The following GCFC2 variants were observed in gnomAD, a reference collection of about 807,000 sequenced individuals.
The protein encoded by GCFC2 is GC-rich sequence DNA-binding factor 2.
Under a neutral mutation model 99.4 loss-of-function variants are expected in GCFC2, and 102 were observed. The observed-to-expected ratio is 1.03, with a 90% CI of 0.87 to 1.21. The LOEUF is 1.21. GCFC2 is among the 50% of genes most tolerant of loss of function. The pLI is 0.00. For missense variants in GCFC2, 973 were observed against 920.9 expected (o/e 1.06, Z -0.73); for synonymous variants, 338 against 316.8 (o/e 1.07, Z -0.71).
At chr2:75,712,643 T>C (rs576004099), upstream of GCFC2, among the ~76,000 whole-genome samples, 25 of 152,284 alleles carry the variant, frequency 1.6e-4, no homozygotes, top group South Asian at 5.2e-3. Context: ...TACTGCTGAC[T>C]CTTTGGGTCC....
upstream of GCFC2, among the ~76,000 whole-genome samples, chr2:75,712,552 C>G (rs1405816002): frequency 6.6e-6 from 1 of 152,146 alleles, no homozygotes; most frequent in Non-Finnish European, 1.5e-5. Context: ...GCAGGCTGCC[C>G]CAGCCAGCAG....
chr2:75,665,679 TTA>T (rs1019085546), intron 16 of GCFC2, among the ~76,000 whole-genome samples: 6 of 152,222 alleles, frequency 3.9e-5, no homozygotes, highest in Non-Finnish European at 7.3e-5. Context: ...TGTTTTTGAT[TTA>T]TAGTTTTAAT....
In GCFC2 at chr2:75,693,365, A is replaced by G. The variant is rs142711633; in HGVS notation, c.1020+876T>C. ...TGAGGCACGAGAATCGCTTGAACCTAGGAGGCAGAGGTTGCATTGAGCTGA... is the reference window on the plus strand; with the variant it reads ...TGAGGCACGAGAATCGCTTGAACCTGGGAGGCAGAGGTTGCATTGAGCTGA... On this transcript the variant is annotated intron_variant, in intron 6 of 16. Transcript: ENST00000321027. Among the ~76,000 whole-genome samples the G allele has an allele frequency of 2.1e-3, 324 of 152,236 alleles. 2 individuals are homozygous for G. Among genetic ancestry groups the G allele is most frequent in the African/African-American group, 7.5e-3 (311 of 41,546 alleles).
chr2:75,707,611 T>G (rs1248384838), intron 1 of GCFC2, among the ~76,000 whole-genome samples: 3 of 152,334 alleles, frequency 2.0e-5, no homozygotes, highest in African/African-American at 7.2e-5. Context: ...TTGTCATTTA[T>G]GACAACCCAT....
At chr2:75,700,567 C>T (rs953313953) in intron 4 of GCFC2, among the ~76,000 whole-genome samples, 1 of 151,990 alleles carries the variant, frequency 6.6e-6, no homozygotes, top group African/African-American at 2.4e-5. Context: ...TTATACAGAA[C>T]AGGCGTTTAA....
intron 12 of GCFC2, among the ~76,000 whole-genome samples, chr2:75,674,785 C>T (rs1170694084): frequency 1.3e-5 from 2 of 152,152 alleles, no homozygotes; most frequent in Non-Finnish European, 2.9e-5. Flanking sequence ...TCTTAAAAAG[C>T]ATGACCTGAA....
At chr2:75,696,872 G>A (rs1394309303) in intron 4 of GCFC2, among the ~76,000 whole-genome samples, 4 of 151,858 alleles carry the variant, frequency 2.6e-5, no homozygotes, top group African/African-American at 9.7e-5. Flanking sequence ...TGCAAGCTCC[G>A]CCTCCTGGGT....
chr2:75,690,962 G>A (rs1573070831), intron 7 of GCFC2: 1 of 343,918 alleles, frequency 2.9e-6, no homozygotes, highest in Non-Finnish European at 5.3e-6. Flanking sequence ...TGCTGTTGTT[G>A]AGAACAGCAA....
Position 75,664,148 on chromosome 2 carries a change from T to C in GCFC2, c.*518A>G, listed in dbSNP as rs1678726505. 1.3e-5 allele frequency: 2 copies of C among 152,274 alleles called. No homozygotes were observed. Among genetic ancestry groups the C allele is most frequent in the South Asian group, 4.1e-4 (2 of 4,836 alleles). The allele number at this position is 152,274 out of a possible 1,614,324, so 9.4% of individuals were successfully genotyped here. A position where few individuals can be genotyped will look rare whatever the true frequency, so the allele number is the denominator to read the frequency against. On this transcript the variant is annotated 3_prime_UTR_variant, in exon 17 of 17. Coordinates refer to ENST00000321027, the MANE Select transcript of GCFC2 (RefSeq NM_003203.5). ...GTAGGGATTCATTGGCACTCACTTA[T>C]GCTTATGTTGGTACATTAAATTGGT...
intron 2 of GCFC2, among the ~76,000 whole-genome samples, chr2:75,704,369 C>T (rs1414261817): frequency 6.6e-6 from 1 of 152,168 alleles, no homozygotes; most frequent in Non-Finnish European, 1.5e-5. Context: ...TTAACACATT[C>T]CTCCATCTTT....
At chr2:75,703,236 C>T (rs1455123204) in intron 2 of GCFC2, among the ~76,000 whole-genome samples, 2 of 151,992 alleles carry the variant, frequency 1.3e-5, no homozygotes, top group African/African-American at 4.8e-5. Context: ...AAAGAAACAG[C>T]GAGAGAAATT....
intron 1 of GCFC2, among the ~76,000 whole-genome samples, chr2:75,710,265 T>C (rs771530901): frequency 2.7e-4 from 41 of 152,232 alleles, no homozygotes; most frequent in Non-Finnish European, 5.6e-4. Flanking sequence ...TGAACTTTGT[T>C]GTGACAGTTT....
chr2:75,701,286 T>G lies in GCFC2; in HGVS notation c.621A>C (p.Ile207=). Residue 207 remains isoleucine, a splice_region_variant and synonymous_variant, in exon 4 of 17, where the codon ATA becomes ATC. Transcript: ENST00000321027. ...CTTCACTTGTTTCTTCATTTCTGCT[T>G]ACTAGCGGAAAAAAAGCTCACATGT... is the stretch of plus-strand genomic sequence containing the variant. ...TLRQRMAEES[I]SRNEETSEES... is the part of the protein sequence containing the mutation. The G allele has an allele frequency of 6.3e-7, 1 of 1,579,700 alleles. No homozygotes were observed. Among genetic ancestry groups the G allele is most frequent in the Non-Finnish European group, 8.7e-7 (1 of 1,149,442 alleles).
At chr2:75,687,672 C>A (rs913097976) in intron 11 of GCFC2, among the ~76,000 whole-genome samples, 155 bp downstream of exon 11, 4 of 152,206 alleles carry the variant, frequency 2.6e-5, no homozygotes, top group African/African-American at 9.6e-5. Flanking sequence ...AATTTTTTAA[C>A]CACCTTACAT....
intron 11 of GCFC2, among the ~76,000 whole-genome samples, chr2:75,687,010 C>T (rs111525346): frequency 0.19 from 28,813 of 151,688 alleles, 3,419 homozygotes; most frequent in South Asian, 0.26. Flanking sequence ...TCTCGGCTCA[C>T]CGCAACCTTC....
chr2:75,681,389 C>T (rs1381041244), intron 11 of GCFC2, among the ~76,000 whole-genome samples: 1 of 149,518 alleles, frequency 6.7e-6, no homozygotes, highest in East Asian at 1.9e-4. Flanking sequence ...AGGAACAGTG[C>T]ACTCCAGCCC....
chr2:75,712,816 G>T (rs1219513449), upstream of GCFC2, among the ~76,000 whole-genome samples: 1 of 152,100 alleles, frequency 6.6e-6, no homozygotes, highest in South Asian at 2.1e-4. Context: ...AACGCTCACC[G>T]CGAGGGTCCG....
chr2:75,701,867 G>A lies in GCFC2; in HGVS notation c.619+332C>T, dbSNP rs1680606573. The A allele has an allele frequency of 3.9e-6, 4 of 1,013,356 alleles. No homozygotes were observed. The South Asian group carries it at 1.6e-4, about 41-fold the overall frequency. 62.8% of individuals were successfully genotyped at this position (1,013,356 alleles called of 1,614,324 possible). A position where few individuals can be genotyped will look rare whatever the true frequency, so the allele number is the denominator to read the frequency against. ...CATGACATCTAAAATCTCTATAGAT[G>A]CTTCCATGTTAAAAAAAATATATTT... On this transcript the variant is annotated intron_variant, in intron 3 of 16. Transcript: ENST00000321027.
At chr2:75,679,266 A>G (rs1679469557) in intron 12 of GCFC2, among the ~76,000 whole-genome samples, 1 of 152,146 alleles carries the variant, frequency 6.6e-6, no homozygotes, top group African/African-American at 2.4e-5. Context: ...GCTAAAACTT[A>G]ATGGTGCTCA....
Sources: allele counts gnomAD v4.1 joint callset (sites outside exome capture counted in the v4.1 genomes callset), GRCh38; gene constraint gnomAD v4.1.1; transcripts MANE v1.5; gene names NCBI Gene and HGNC (gene_info 2026-07-23, HGNC 2026-07-21).